Variants in JMJD7 observed in about 807,000 individuals in gnomAD.
JMJD7 encodes the protein bifunctional peptidase and (3S)-lysyl hydroxylase JMJD7.
In JMJD7, 41 loss-of-function variants were observed where a neutral mutation model predicts 41.1. The observed-to-expected ratio is 1.00, with a 90% CI of 0.78 to 1.30. The LOEUF (loss-of-function observed/expected upper bound fraction) is 1.30, where lower values mean the gene tolerates loss of function less well. Ranked by LOEUF, JMJD7 falls within the 50% of genes most tolerant of loss-of-function variation. The pLI, the probability that JMJD7 is intolerant of heterozygous loss-of-function variation, is 0.00. For missense variants in JMJD7, 480 were observed against 420.7 expected, an observed-to-expected ratio of 1.14 and a Z score of -1.23; for synonymous variants, 202 against 177.2, an observed-to-expected ratio of 1.14 and a Z score of -1.11.
chr15:41,830,413 A>C (rs2065212842), intron 1 of JMJD7, among the ~76,000 whole-genome samples: 1 of 152,204 alleles, frequency 6.6e-6, no homozygotes, highest in African/African-American at 2.4e-5. Flanking sequence ...CGCTGTGGGG[A>C]AAACGTGAAG....
At chr15:41,829,001 T>G (rs937517230) in intron 1 of JMJD7, 2 of 152,280 alleles carry the variant, frequency 1.3e-5, no homozygotes, top group African/African-American at 4.8e-5. Context: ...ACGAATACTT[T>G]GAGGATTGAT....
intron 1 of JMJD7, among the ~76,000 whole-genome samples, 196 bp from the exon 2 acceptor site, chr15:41,834,544 G>GGT (rs1385586741): frequency 6.6e-6 from 1 of 152,260 alleles, no homozygotes. Flanking sequence ...GGCCCATGCT[G>GGT]GTGTGTGTGC....
At chr15:41,835,699 G>A in intron 4 of JMJD7, 55 bp downstream of exon 4, 1 of 1,581,910 alleles carries the variant, frequency 6.3e-7, no homozygotes, top group Non-Finnish European at 8.6e-7. Flanking sequence ...GCAGAGGGAG[G>A]GAAGACGAGG....
At chr15:41,830,522 A>C (rs1193140348) in intron 1 of JMJD7, among the ~76,000 whole-genome samples, 2 of 152,114 alleles carry the variant, frequency 1.3e-5, no homozygotes, top group Non-Finnish European at 2.9e-5. Flanking sequence ...GGAGCTCCCT[A>C]GGCGCAATTA....
chr15:41,833,761 G>C (rs1015863061), intron 1 of JMJD7, among the ~76,000 whole-genome samples: 2 of 151,864 alleles, frequency 1.3e-5, no homozygotes, highest in Admixed American at 6.6e-5. Context: ...ATGCTAACGA[G>C]AAAAAATACG....
At chr15:41,834,716 C>A in intron 1 of JMJD7, 24 bp from the exon 2 acceptor site, 1 of 1,611,026 alleles carries the variant, frequency 6.2e-7, no homozygotes, top group Non-Finnish European at 8.5e-7. Context: ...GCCCTTCCAT[C>A]CCCTGTCTTC....
At chr15:41,835,347 C>T in intron 3 of JMJD7, 124 bp downstream of exon 3, 1 of 1,400,294 alleles carries the variant, frequency 7.1e-7, no homozygotes, top group Non-Finnish European at 9.5e-7. Flanking sequence ...TCTGGTGCAG[C>T]TCACTAAATA....
chr15:41,837,269 G>C lies in JMJD7; in HGVS notation c.*113G>C, dbSNP rs2065339170. 1.4e-6 allele frequency: 1 copy of C among 696,714 alleles called. No homozygotes were observed. The highest frequency in any genetic ancestry group is 1.8e-5 in the African/African-American group (1 of 56,056). 43.2% of individuals were successfully genotyped at this position (696,714 alleles called of 1,614,324 possible). ...TGTGCATGCTGGCTGCTGGCCCCGG[G>C]TCCAGCATGGCTTGAGATCAGCTTT... On this transcript the variant is annotated 3_prime_UTR_variant, in exon 8 of 8. Coordinates refer to ENST00000397299, the MANE Select transcript of JMJD7 (RefSeq NM_001114632.2).
At chr15:41,829,663 G>A (rs904446080) in intron 1 of JMJD7, among the ~76,000 whole-genome samples, 1 of 152,170 alleles carries the variant, frequency 6.6e-6, no homozygotes, top group African/African-American at 2.4e-5. Flanking sequence ...TTTCTCACTT[G>A]GAAGCCCCAG....
chr15:41,828,969 C>T (rs780687017), intron 1 of JMJD7: 3 of 152,228 alleles, frequency 2.0e-5, no homozygotes, highest in African/African-American at 4.8e-5. Context: ...ATGTCCAATC[C>T]GTTGTTTTCA....
intron 3 of JMJD7, among the ~76,000 whole-genome samples, 153 bp from the exon 4 acceptor site, chr15:41,835,435 C>T (rs141294849): frequency 4.6e-5 from 7 of 152,200 alleles, no homozygotes; most frequent in Admixed American, 2.0e-4. Context: ...GAGGGAGGAC[C>T]CCTTCCCCAA....
At position 41,828,108 on chromosome 15, in the gene JMJD7, C is replaced by T. The variant is rs774018270; in HGVS notation, c.-17C>T. 7 of 1,435,198 alleles carry T rather than the reference C, an allele frequency of 4.9e-6. No individual in the cohort carries two copies. In the African/African-American group the frequency reaches 6.0e-5, roughly 12 times the overall value. 88.9% of individuals were successfully genotyped at this position (1,435,198 alleles called of 1,614,324 possible). On this transcript the variant is annotated 5_prime_UTR_variant, in exon 1 of 8. Coordinates refer to ENST00000397299, the MANE Select transcript of JMJD7 (RefSeq NM_001114632.2). ...GCGTCGGGGAAAGGCGGGGTCTCGG[C>T]CGGCGCTGACGCAGCCATGGCGGAG...
chr15:41,834,349 C>T (rs2065277655), intron 1 of JMJD7, among the ~76,000 whole-genome samples: 1 of 152,242 alleles, frequency 6.6e-6, no homozygotes, highest in South Asian at 2.1e-4. Flanking sequence ...AGCCCGTGGC[C>T]ATGGGGCCTC....
chr15:41,834,817 C>A lies in JMJD7; in HGVS notation c.142C>A (p.Pro48Thr). The A allele has an allele frequency of 6.2e-7, 1 of 1,614,228 alleles. No individual in the cohort carries two copies. The highest frequency in any genetic ancestry group is 8.5e-7 in the Non-Finnish European group (1 of 1,180,048). Reference protein sequence around the residue: ...PLHFYRDWVCPNRPCIIRNAL... With the variant: ...PLHFYRDWVCTNRPCIIRNAL... Reference sequence around the variant, plus strand: ...CCACTTCTACCGGGACTGGGTCTGCCCCAACAGGCCGTGCATTATCCGCAA... The same window carrying A: ...CCACTTCTACCGGGACTGGGTCTGCACCAACAGGCCGTGCATTATCCGCAA... Residue 48 changes from proline to threonine, a missense_variant, in exon 2 of 8, where the codon CCC becomes ACC. Coordinates refer to ENST00000397299, the MANE Select transcript of JMJD7 (RefSeq NM_001114632.2).
At chr15:41,830,389 A>G (rs541759844) in intron 1 of JMJD7, among the ~76,000 whole-genome samples, 15 of 152,336 alleles carry the variant, frequency 9.8e-5, no homozygotes, top group Admixed American at 9.1e-4. Flanking sequence ...TGCCATATGC[A>G]CCTTGCCCGC....
rs755299975 is a variant in JMJD7 at position 41,837,139 on chromosome 15, G to T, written c.934G>T (p.Ala312Ser). Reference protein sequence around the residue: ...YFQLLDSLTKASGLD With the variant: ...YFQLLDSLTKSSGLD ...CCAGCTGCTCGACTCCCTCACCAAG[G>T]CTTCAGGCCTTGACTGATGGAGCAC... Residue 312 changes from alanine (A) to serine (S), a missense_variant, in exon 8 of 8, where the codon GCT (alanine) becomes TCT (serine). Transcript: ENST00000397299. 9 of 1,612,112 alleles carry T rather than the reference G, an allele frequency of 5.6e-6. No individual in the cohort carries two copies. The African/African-American group carries it at 9.3e-5, about 17-fold the overall frequency.
chr15:41,830,987 G>A lies in JMJD7; in HGVS notation c.64+2799G>A, dbSNP rs564433734. On this transcript the variant is annotated intron_variant, in intron 1 of 7. Coordinates refer to ENST00000397299, the MANE Select transcript of JMJD7 (RefSeq NM_001114632.2). ...GACAGGTTCCTGGGTGGAAGGTGGC[G>A]GGTCCCGGTGAAGCCCGACCTTCAA... Among the ~76,000 whole-genome samples, 240 of 152,340 alleles carry A rather than the reference G, an allele frequency of 1.6e-3. 3 individuals carry two copies. Among genetic ancestry groups the A allele is most frequent in the African/African-American group, 5.6e-3 (234 of 41,582 alleles).
rs368707293 is a variant in JMJD7, at chr15:41,828,103, C to G, written c.-22C>G. On this transcript the variant is annotated 5_prime_UTR_variant, in exon 1 of 8. Transcript: ENST00000397299. ...GCGGGGCGTCGGGGAAAGGCGGGGT[C>G]TCGGCCGGCGCTGACGCAGCCATGG... The G allele has an allele frequency of 7.0e-7, 1 of 1,428,004 alleles. No individual in the cohort carries two copies. The highest frequency in any genetic ancestry group is 3.1e-5 in the Admixed American group (1 of 32,114). The allele number at this position is 1,428,004 out of a possible 1,614,324, so 88.5% of individuals were successfully genotyped here.
In JMJD7 at chr15:41,834,618, T is replaced by TG. The variant is rs1162535146; in HGVS notation, c.65-120dup. 4 of 1,434,578 alleles carry TG rather than the reference T, an allele frequency of 2.8e-6. No homozygotes were observed. In the African/African-American group the frequency reaches 5.7e-5, roughly 20 times the overall value. The allele number at this position is 1,434,578 out of a possible 1,614,324, so 88.9% of individuals were successfully genotyped here. On this transcript the variant is annotated intron_variant, in intron 1 of 7. Transcript: ENST00000397299. ...CTATTACTGGTTGTCCAGGGTCCTT[T>TG]GGTCACCAACGAGCATTTCCCAGTG...
Sources: allele counts gnomAD v4.1 joint callset (sites outside exome capture counted in the v4.1 genomes callset), GRCh38; gene constraint gnomAD v4.1.1; transcripts MANE v1.5; gene names NCBI Gene and HGNC (gene_info 2026-07-23, HGNC 2026-07-21).